The following BPTF variants were observed in gnomAD, a reference collection of about 807,000 sequenced individuals.
BPTF encodes the protein nucleosome-remodeling factor subunit BPTF.
Under a neutral mutation model 292.5 loss-of-function variants are expected in BPTF, and 18 were observed. The ratio of observed to expected loss-of-function variants is 0.06; its 90% CI spans 0.04 to 0.09. The LOEUF (loss-of-function observed/expected upper bound fraction) is 0.09. Among genes scored for constraint, BPTF ranks in the 10% least tolerant of loss-of-function variants. The pLI is 1.00. For missense variants in BPTF, 2,726 were observed against 3,498.7 expected (o/e 0.78, Z 5.57); for synonymous variants, 1,225 against 1,251.9 (o/e 0.98, Z 0.45).
Position 67,983,261 on chromosome 17 carries a change from T to C in BPTF, c.*973T>C, listed in dbSNP as rs558894924. On this transcript the variant is annotated 3_prime_UTR_variant, in exon 28 of 28. Coordinates refer to ENST00000306378, the MANE Select transcript of BPTF (RefSeq NM_182641.4). ...AAGAGTCTAATTGTGCCTGGATTTC[T>C]CCAGGACAGCAGTGGCCCCTCGTTT... The C allele has an allele frequency of 2.6e-5, 4 of 152,764 alleles. No individual in the cohort carries two copies. The highest frequency in any genetic ancestry group is 7.2e-5 in the African/African-American group (3 of 41,576). 9.5% of individuals were successfully genotyped at this position (152,764 alleles called of 1,614,324 possible). A position where few individuals can be genotyped will look rare whatever the true frequency, so the allele number is the denominator to read the frequency against.
chr17:67,835,201 A>G (rs1261654768), intron 1 of BPTF, among the ~76,000 whole-genome samples: 1 of 148,838 alleles, frequency 6.7e-6, no homozygotes, highest in Non-Finnish European at 1.5e-5. Context: ...ACAGAGTGAG[A>G]ACCCATCTCT....
At chr17:67,857,025 T>G (rs1342059270) in intron 2 of BPTF, among the ~76,000 whole-genome samples, 1 of 152,162 alleles carries the variant, frequency 6.6e-6, no homozygotes, top group African/African-American at 2.4e-5. Context: ...ACCTTCCTTT[T>G]TAGTTTGAGA....
chr17:67,973,409 C>A (rs1445019614), intron 26 of BPTF, among the ~76,000 whole-genome samples: 2 of 151,768 alleles, frequency 1.3e-5, no homozygotes, highest in Non-Finnish European at 2.9e-5. Flanking sequence ...ACAAAATTTG[C>A]CATTTTAATC....
At chr17:67,931,067 C>T (rs2064344612) in intron 17 of BPTF, among the ~76,000 whole-genome samples, 1 of 152,056 alleles carries the variant, frequency 6.6e-6, no homozygotes, top group Non-Finnish European at 1.5e-5. Flanking sequence ...GAGATCGAAA[C>T]CATCCTGGTC....
chr17:67,935,547 G>C (rs2064842880), intron 18 of BPTF, among the ~76,000 whole-genome samples: 1 of 152,124 alleles, frequency 6.6e-6, no homozygotes, highest in African/African-American at 2.4e-5. Context: ...CTAGGGAAAA[G>C]GGAGGAATAT....
Position 67,910,898 on chromosome 17 carries a change from C to G in BPTF, c.3014C>G (p.Ser1005Cys), listed in dbSNP as rs1367230671. The G allele has an allele frequency of 3.1e-6, 5 of 1,595,676 alleles. No individual in the cohort carries two copies. The highest frequency in any genetic ancestry group is 4.3e-6 in the Non-Finnish European group (5 of 1,172,206). The change falls in exon 11 of 28, where the codon TCT becomes TGT. Residue 1005 changes from serine to cysteine, a missense_variant. Transcript: ENST00000306378. ...KDQDVKELLD[S>C]DSDKPCKEEP... is the part of the protein sequence containing the mutation. The stretch of plus-strand genomic sequence containing the variant: ...ACAGATGTGAAGGAGCTCTTAGATT[C>G]TGACAGTGATAAACCCTGCAAGGAA...
chr17:67,878,373 CACAT>C (rs2060175462), intron 4 of BPTF, among the ~76,000 whole-genome samples: 1 of 152,032 alleles, frequency 6.6e-6, no homozygotes, highest in African/African-American at 2.4e-5. Flanking sequence ...GTTTCTTGTG[CACAT>C]ACATGTGCAT....
At chr17:67,866,805 A>G (rs1456652457) in intron 3 of BPTF, 118 bp downstream of exon 3, 4 of 702,290 alleles carry the variant, frequency 5.7e-6, no homozygotes, top group Non-Finnish European at 9.7e-6. Flanking sequence ...GCATTGCTTA[A>G]TGATGGGGAT....
At chr17:67,902,998 C>G (rs1387860405) in intron 7 of BPTF, among the ~76,000 whole-genome samples, 1 of 152,206 alleles carries the variant, frequency 6.6e-6, no homozygotes, top group Non-Finnish European at 1.5e-5. Context: ...AATGTAGAGC[C>G]TCACCACAGT....
chr17:67,891,777 T>G, intron 4 of BPTF, 67 bp from the exon 5 acceptor site: 1 of 1,268,326 alleles, frequency 7.9e-7, no homozygotes, highest in Non-Finnish European at 1.1e-6. Context: ...CGAGTTTTGG[T>G]GAAATAAGGT....
intron 24 of BPTF, chr17:67,960,243 G>A: frequency 6.1e-6 from 1 of 164,662 alleles, no homozygotes; most frequent in South Asian, 1.9e-4. Flanking sequence ...TCTGTTCAAA[G>A]CCCTGCGAAT....
At chr17:67,842,339 C>G (rs1163070927) in intron 1 of BPTF, among the ~76,000 whole-genome samples, 1 of 152,154 alleles carries the variant, frequency 6.6e-6, no homozygotes, top group East Asian at 1.9e-4. Context: ...ACTCAATTTC[C>G]TTGACCAGTT....
chr17:67,947,995 T>G (rs1475289945), intron 22 of BPTF, 86 bp from the exon 23 acceptor site: 2 of 1,383,894 alleles, frequency 1.4e-6, no homozygotes, highest in African/African-American at 2.9e-5. Context: ...AGTTTTTGTC[T>G]CATCTGTAGA....
chr17:67,979,249 C>T (rs539634895), intron 27 of BPTF, among the ~76,000 whole-genome samples: 3 of 142,648 alleles, frequency 2.1e-5, no homozygotes, highest in East Asian at 2.2e-4. Flanking sequence ...TTCGTAGTAA[C>T]GTAAATAATG....
chr17:67,960,543 A>C (rs2067378984), intron 24 of BPTF, among the ~76,000 whole-genome samples: 1 of 152,204 alleles, frequency 6.6e-6, no homozygotes. Context: ...TTATAGAGGC[A>C]CTAAACCGTA....
intron 1 of BPTF, 21 bp downstream of exon 1, chr17:67,826,358 C>T (rs760897073): frequency 8.2e-6 from 13 of 1,591,024 alleles, no homozygotes; most frequent in Non-Finnish European, 1.1e-5. Context: ...AGCCCAGTTG[C>T]TGCAGACTCC....
At chr17:67,909,279 CT>C (rs35827193) in intron 9 of BPTF, among the ~76,000 whole-genome samples, 47,449 of 90,766 alleles carry the variant, frequency 0.52, 13,681 homozygotes, top group Non-Finnish European at 0.64. Flanking sequence ...CCCCCCCCCC[CT>C]TTTTTTTTTT....
intron 24 of BPTF, among the ~76,000 whole-genome samples, chr17:67,961,164 A>G (rs1408175174): frequency 6.6e-6 from 1 of 152,226 alleles, no homozygotes; most frequent in Non-Finnish European, 1.5e-5. Context: ...GAGTATTCAG[A>G]TCACAGAAAT....
intron 23 of BPTF, among the ~76,000 whole-genome samples, chr17:67,958,347 A>G (rs2067147198): frequency 6.6e-6 from 1 of 152,002 alleles, no homozygotes; most frequent in Non-Finnish European, 1.5e-5. Flanking sequence ...GAAAAAACAG[A>G]GTACAGTAAA....
Sources: gnomAD v4.1 joint callset for allele counts (sites outside exome capture counted in the v4.1 genomes callset) on GRCh38, gnomAD v4.1.1 for gene constraint, MANE v1.5 for transcripts, NCBI Gene and HGNC (gene_info 2026-07-23, HGNC 2026-07-21) for gene names.